HDAC5: variants seen among roughly 807,000 people sequenced by gnomAD.
HDAC5 encodes histone deacetylase 5, also known as antigen NY-CO-9.
A neutral mutation model predicts 133.3 loss-of-function variants in HDAC5; 25 were observed. The ratio of observed to expected loss-of-function variants is 0.19; its 90% CI spans 0.14 to 0.26. The LOEUF (loss-of-function observed/expected upper bound fraction) is 0.26. HDAC5 is among the 10% of genes least tolerant of loss of function. The pLI is 1.00. For synonymous variants in HDAC5, 589 were observed against 610.8 expected, an observed-to-expected ratio of 0.96 and a Z score of 0.53; for missense variants, 1,041 against 1,460.5, an observed-to-expected ratio of 0.71 and a Z score of 4.68.
Position 44,092,159 on chromosome 17 carries a change from G to C in HDAC5, c.1032+13C>G. 2.5e-6 allele frequency: 4 copies of C among 1,607,536 alleles called. No individual in the cohort carries two copies. Among genetic ancestry groups the C allele is most frequent in the Non-Finnish European group, 3.4e-6 (4 of 1,174,666 alleles). ...TCTGTCCCCGCCCCACCAGCCCCCA[G>C]CCAGGCCTGTACCTCAGTGGGGATG... On this transcript the variant is annotated intron_variant, in intron 9 of 26. Transcript: ENST00000682912.
At chr17:44,113,551 T>G (rs1004284784) in intron 2 of HDAC5, among the ~76,000 whole-genome samples, 1 of 152,182 alleles carries the variant, frequency 6.6e-6, no homozygotes, top group African/African-American at 2.4e-5. Flanking sequence ...TTAGCCCCCC[T>G]CCTTGCAATT....
At chr17:44,111,277 G>C (rs1392607041) in intron 2 of HDAC5, 2 of 303,374 alleles carry the variant, frequency 6.6e-6, no homozygotes, top group African/African-American at 4.3e-5. Flanking sequence ...GCAGTTGGGG[G>C]AGGGCCCTGT....
At chr17:44,078,737 C>T in intron 25 of HDAC5, 58 bp downstream of exon 25, 3 of 1,610,018 alleles carry the variant, frequency 1.9e-6, no homozygotes, top group Middle Eastern at 1.7e-4. Flanking sequence ...AGTCCTGGTG[C>T]TCCCACAAGC....
At position 44,087,493 on chromosome 17, in the gene HDAC5, G is replaced by T; in HGVS notation, c.1803C>A (p.Cys601Ter). 1 of 1,580,560 alleles carries T rather than the reference G, an allele frequency of 6.3e-7. No individual in the cohort carries two copies. Among genetic ancestry groups the T allele is most frequent in the Non-Finnish European group, 8.7e-7 (1 of 1,149,572 alleles). ...CGCCCTCCTCGTCCTTAACCTGGAT[G>T]CAATCCTCCTCCTCCTCCCCATCGT... ...EEDDGEEEED[C>*]IQVKDEEGES... Residue 601 changes from cysteine to a stop codon, truncating the protein, a stop_gained, in exon 13 of 27, where the codon TGC (cysteine) becomes TGA (stop). Transcript: ENST00000682912. LOFTEE classifies it high-confidence loss of function.
At chr17:44,083,190 C>T (rs1324746783) in intron 18 of HDAC5, among the ~76,000 whole-genome samples, 10 of 152,028 alleles carry the variant, frequency 6.6e-5, no homozygotes, top group Admixed American at 2.0e-4. Context: ...AGGCTGGTCT[C>T]GAACTCCTGG....
chr17:44,093,650 G>A lies in HDAC5; in HGVS notation c.279C>T (p.Leu93=), dbSNP rs1449184608. 6.2e-7 allele frequency: 1 copy of A among 1,612,670 alleles called. No homozygotes were observed. Among genetic ancestry groups the A allele is most frequent in the Non-Finnish European group, 8.5e-7 (1 of 1,179,706 alleles). Residue 93 remains leucine (L), a synonymous_variant, in exon 4 of 27, where the codon CTC becomes CTT. Coordinates refer to ENST00000682912, the MANE Select transcript of HDAC5 (RefSeq NM_005474.5). The part of the protein sequence containing the change: ...LKQQQQLQKQ[L]LFAEFQKQHD... The stretch of plus-strand genomic sequence containing the variant: ...GCTGTTTCTGGAACTCAGCGAACAG[G>A]AGCTGCTTCTGCAGCTGCTGCTGCT...
intron 1 of HDAC5, chr17:44,120,493 G>A (rs1235128872): frequency 6.6e-6 from 1 of 152,158 alleles, no homozygotes; most frequent in Non-Finnish European, 1.5e-5. Context: ...GTAATCCCAG[G>A]ACTTTGCGAG....
chr17:44,089,116 G>C (rs1266773632), intron 11 of HDAC5, among the ~76,000 whole-genome samples: 1 of 152,208 alleles, frequency 6.6e-6, no homozygotes, highest in Non-Finnish European at 1.5e-5. Context: ...ACATGTGACT[G>C]CTGAGCCCTT....
At chr17:44,108,751 C>CA (rs773575696) in intron 3 of HDAC5, among the ~76,000 whole-genome samples, 1,292 of 56,806 alleles carry the variant, frequency 0.023, 99 homozygotes, top group African/African-American at 0.06. Flanking sequence ...TTCCAGAGTC[C>CA]AAAAAAAAAA....
chr17:44,080,759 G>A lies in HDAC5; in HGVS notation c.2727+4C>T. On this transcript the variant is annotated splice_donor_region_variant and intron_variant, in intron 21 of 26. Transcript: ENST00000682912. ...GGGTCTGCATTTACGCCCAGGAGCT[G>A]TACCTCTTCAGGAGCCCCAGAGCCT... 1.2e-6 allele frequency: 2 copies of A among 1,614,204 alleles called. No individual in the cohort carries two copies. The highest frequency in any genetic ancestry group is 8.5e-7 in the Non-Finnish European group (1 of 1,180,046).
chr17:44,091,838 A>G lies in HDAC5; in HGVS notation c.1033-7T>C, dbSNP rs1597965988. On this transcript the variant is annotated splice_polypyrimidine_tract_variant and splice_region_variant and intron_variant, in intron 9 of 26. Coordinates refer to ENST00000682912, the MANE Select transcript of HDAC5 (RefSeq NM_005474.5). ...CTCGGTGCTGAGGGAGCATCTGGGG[A>G]GCAGTCAGAAGAGACAGGCATGAGA... 6.5e-7 allele frequency: 1 copy of G among 1,541,082 alleles called. No individual in the cohort carries two copies. The highest frequency in any genetic ancestry group is 8.7e-7 in the Non-Finnish European group (1 of 1,146,166).
At chr17:44,078,991 CT>C in intron 24 of HDAC5, 112 bp from the exon 25 acceptor site, 1 of 1,521,026 alleles carries the variant, frequency 6.6e-7, no homozygotes, top group Non-Finnish European at 9.1e-7. Context: ...CAAACATGGC[CT>C]TTTTGGACAA....
At chr17:44,106,813 C>G (rs1311570718) in intron 3 of HDAC5, among the ~76,000 whole-genome samples, 2 of 152,010 alleles carry the variant, frequency 1.3e-5, no homozygotes, top group South Asian at 2.1e-4. Context: ...GTCTCAAACT[C>G]CCAACCTCCC....
intron 15 of HDAC5, 109 bp downstream of exon 15, chr17:44,084,913 G>A (rs145964120): frequency 1.4e-6 from 2 of 1,426,642 alleles, no homozygotes; most frequent in African/African-American, 2.8e-5. Context: ...TGGCCCCGAA[G>A]TCTGGGGCTG....
intron 6 of HDAC5, 50 bp downstream of exon 6, chr17:44,093,042 G>A (rs2051040875): frequency 7.3e-7 from 1 of 1,365,426 alleles, no homozygotes; most frequent in Admixed American, 2.1e-5. Flanking sequence ...TAGCCAGGCA[G>A]CCCCTGAGCG....
chr17:44,109,238 C>T (rs991175482), intron 3 of HDAC5, among the ~76,000 whole-genome samples: 14 of 152,228 alleles, frequency 9.2e-5, no homozygotes, highest in African/African-American at 3.4e-4. Context: ...ATTCTGCCTT[C>T]CAAGAGACCA....
chr17:44,094,419 C>T (rs1335464804), intron 3 of HDAC5, among the ~76,000 whole-genome samples: 3 of 151,898 alleles, frequency 2.0e-5, no homozygotes, highest in East Asian at 3.9e-4. Flanking sequence ...GGGTAGATCA[C>T]GAGGTCAGGA....
chr17:44,082,748 G>A lies in HDAC5; in HGVS notation c.2519+17C>T. The A allele has an allele frequency of 1.3e-6, 2 of 1,593,164 alleles. No homozygotes were observed. Among genetic ancestry groups the A allele is most frequent in the Non-Finnish European group, 1.7e-6 (2 of 1,169,308 alleles). ...AGAGACAGGAAGGGGCGAGGGCAGA[G>A]AATCTAGGGCACTCACATGGCTGTG... On this transcript the variant is annotated intron_variant, in intron 19 of 26. Transcript: ENST00000682912.
chr17:44,080,974 C>T (rs2050362119), intron 20 of HDAC5, 92 bp from the exon 21 acceptor site: 19 of 1,547,276 alleles, frequency 1.2e-5, no homozygotes, highest in Non-Finnish European at 1.5e-5. Context: ...TAGCTCATGC[C>T]TGTAATCCTA....
Sources: allele counts gnomAD v4.1 joint callset (sites outside exome capture counted in the v4.1 genomes callset), GRCh38; gene constraint gnomAD v4.1.1; transcripts MANE v1.5; gene names NCBI Gene and HGNC (gene_info 2026-07-23, HGNC 2026-07-21).